ABCA3: variants seen among roughly 807,000 people sequenced by gnomAD.
ABCA3 encodes phospholipid-transporting ATPase ABCA3.
Under a neutral mutation model 172.8 loss-of-function variants are expected in ABCA3, and 88 were observed. The observed-to-expected ratio is 0.51, with a 90% confidence interval of 0.43 to 0.61. ABCA3 has a LOEUF of 0.61. ABCA3 is among the 20% of genes least tolerant of loss of function. The pLI is 0.00. For missense variants in ABCA3, 2,164 were observed against 2,301.0 expected (o/e 0.94, Z 1.22); for synonymous variants, 1,066 against 983.8 (o/e 1.08, Z -1.56).
chr16:2,277,508 G>A lies in ABCA3; in HGVS notation c.4983+89C>T. ...ATGGAAAGTGACTCCTCTGTGGAAA[G>A]AGCCTGCAGTCACCACAGAGGGAGA... On this transcript the variant is annotated intron_variant, in intron 32 of 32. Transcript: ENST00000301732. This position sits in a 1 kb window ranked among gnomAD's most constrained non-coding sequence, Gnocchi z 5.3. 7.4e-7 allele frequency: 1 copy of A among 1,354,824 alleles called. No individual in the cohort carries two copies. Among genetic ancestry groups the A allele is most frequent in the Non-Finnish European group, 1.0e-6 (1 of 959,606 alleles). 83.9% of individuals were successfully genotyped at this position (1,354,824 alleles called of 1,614,324 possible).
intron 7 of ABCA3, among the ~76,000 whole-genome samples, chr16:2,322,028 T>C (rs1445099967): frequency 2.0e-5 from 3 of 151,772 alleles, no homozygotes. Context: ...TGAAACCCCG[T>C]CTCTACTAAA....
chr16:2,317,431 T>C (rs778802109), intron 9 of ABCA3, 28 bp from the exon 10 acceptor site: 2 of 1,612,118 alleles, frequency 1.2e-6, no homozygotes, highest in East Asian at 2.2e-5. Flanking sequence ...GAGTCGGGCG[T>C]GGTGGGCCGG....
rs771378553 is a variant in ABCA3 at position 2,317,771 on chromosome 16, A to T, written c.874-7T>A. 8.7e-6 allele frequency: 14 copies of T among 1,613,720 alleles called. No individual in the cohort carries two copies. The highest frequency in any genetic ancestry group is 1.2e-5 in the Non-Finnish European group (14 of 1,179,672). On this transcript the variant is annotated splice_region_variant and splice_polypyrimidine_tract_variant and intron_variant, in intron 8 of 32. Transcript: ENST00000301732. ...CCATCATGCGCATGTACTCCTGGGGAGAGAAGCCATCACGCTGCTGGGGGC... is the reference window on the plus strand; with the variant it reads ...CCATCATGCGCATGTACTCCTGGGGTGAGAAGCCATCACGCTGCTGGGGGC...
In ABCA3 at chr16:2,276,782, G is replaced by A. The variant is rs1427714089; in HGVS notation, c.5007C>T (p.Ala1669=). ...WAKVFGILEK[A]KEKYGVDDYS... ...AGTCGTCCACGCCGTACTTTTCCTT[G>A]GCTTTCTCCAGAATACCGAAAACCT... The change falls in exon 33 of 33, where the codon GCC becomes GCT. Residue 1669 remains alanine, a synonymous_variant. Transcript: ENST00000301732. 1 of 1,613,826 alleles carries A rather than the reference G, an allele frequency of 6.2e-7. No homozygotes were observed. The highest frequency in any genetic ancestry group is 8.5e-7 in the Non-Finnish European group (1 of 1,180,036).
chr16:2,303,940 C>T lies in ABCA3; in HGVS notation c.1467+29G>A, dbSNP rs201908106. ...GACACCTCTGCACTCAGAGAGGCGG[C>T]GGCTCAAGAGCAGGGCATCAGAACT... On this transcript the variant is annotated intron_variant, in intron 12 of 32. Transcript: ENST00000301732. 68 of 1,612,702 alleles carry T rather than the reference C, an allele frequency of 4.2e-5. No individual in the cohort carries two copies. The African/African-American group carries it at 7.7e-4, about 18-fold the overall frequency.
intron 15 of ABCA3, 99 bp downstream of exon 15, chr16:2,298,287 C>T (rs2093683347): frequency 5.1e-6 from 8 of 1,564,082 alleles, no homozygotes; most frequent in Non-Finnish European, 7.0e-6. Flanking sequence ...CTCCTGCCCT[C>T]CTGGCTCCCT....
At position 2,278,148 on chromosome 16, in the gene ABCA3, C is replaced by G. The variant is rs2093649493; in HGVS notation, c.4719-79G>C. The stretch of plus-strand genomic sequence containing the variant: ...GACAGGAAGGCATTGGCTCTCCGAT[C>G]AGGCTGTTCCTGATACCCATGCTCA... On this transcript the variant is annotated intron_variant, in intron 30 of 32. Coordinates refer to ENST00000301732, the MANE Select transcript of ABCA3 (RefSeq NM_001089.3). The surrounding 1 kb of genome is among the most constrained non-coding windows in gnomAD (Gnocchi z 4.4). 3 of 1,602,614 alleles carry G rather than the reference C, an allele frequency of 1.9e-6. No individual in the cohort carries two copies. Among genetic ancestry groups the G allele is most frequent in the Admixed American group, 3.4e-5 (2 of 59,592 alleles).
At chr16:2,311,816 G>A (rs1261031084) in intron 10 of ABCA3, among the ~76,000 whole-genome samples, 1 of 152,124 alleles carries the variant, frequency 6.6e-6, no homozygotes, top group Non-Finnish European at 1.5e-5. Context: ...CACTGTGCCC[G>A]GCCTAATTTT....
chr16:2,319,443 C>A, intron 8 of ABCA3, 138 bp downstream of exon 8: 1 of 1,212,734 alleles, frequency 8.2e-7, no homozygotes, highest in South Asian at 1.6e-5. Flanking sequence ...CGAGATCGCA[C>A]CACTGCACTC....
chr16:2,293,741 C>T lies in ABCA3; in HGVS notation c.2415-1503G>A, dbSNP rs138252869. The stretch of plus-strand genomic sequence containing the variant: ...TATTTTTAGTAGAGATGGGGTTTCA[C>T]CATGTTAGCCAGGATGGTCTCGATC... On this transcript the variant is annotated intron_variant, in intron 18 of 32. Coordinates refer to ENST00000301732, the MANE Select transcript of ABCA3 (RefSeq NM_001089.3). 5.3e-3 allele frequency among the ~76,000 whole-genome samples: 807 copies of T among 151,632 alleles called. 7 individuals carry two copies. The highest frequency in any genetic ancestry group is 0.015 in the South Asian group (73 of 4,806).
chr16:2,319,570 C>T lies in ABCA3; in HGVS notation c.873+11G>A, dbSNP rs1462975814. The stretch of plus-strand genomic sequence containing the variant: ...TTTCTAGAGTGTTGGGGAGCCAAAG[C>T]GGGCAGTCACCTTCAGCCTCCTTTC... On this transcript the variant is annotated intron_variant, in intron 8 of 32. Coordinates refer to ENST00000301732, the MANE Select transcript of ABCA3 (RefSeq NM_001089.3). 20 of 1,609,308 alleles carry T rather than the reference C, an allele frequency of 1.2e-5. No homozygotes were observed. The highest frequency in any genetic ancestry group is 1.7e-4 in the Middle Eastern group (1 of 6,058).
intron 1 of ABCA3, among the ~76,000 whole-genome samples, chr16:2,338,173 G>A (rs1480198656): frequency 2.0e-5 from 3 of 152,120 alleles, no homozygotes; most frequent in East Asian, 1.9e-4. Context: ...CTCGTTACAC[G>A]GCTCCCGCAA....
chr16:2,289,184 C>T (rs538199554), intron 20 of ABCA3: 1 of 566,170 alleles, frequency 1.8e-6, no homozygotes, highest in South Asian at 2.1e-5. Flanking sequence ...CAGAGCTGGG[C>T]ACCCGACAAG....
chr16:2,327,177 C>T (rs1354908230), intron 3 of ABCA3, among the ~76,000 whole-genome samples: 2 of 151,694 alleles, frequency 1.3e-5, no homozygotes, highest in African/African-American at 2.4e-5. Flanking sequence ...TGCCATGGTG[C>T]GATCACAGCT....
In ABCA3 at chr16:2,324,506, G is replaced by C. The variant is rs148377880; in HGVS notation, c.345C>G (p.Asp115Glu). The C allele has an allele frequency of 6.8e-6, 11 of 1,610,794 alleles. No individual in the cohort carries two copies. The African/African-American group carries it at 1.2e-4, about 18-fold the overall frequency. ...TGTCGTACCTAATGTAGTCCTCAAA[G>C]TCCTTCTCGGAGGGAAAGCCGCGCA... ...MRVRGFPSEKDFEDYIRYDNC... is the reference protein window; with the variant it reads ...MRVRGFPSEKEFEDYIRYDNC... Residue 115 changes from aspartate (D) to glutamate (E), a missense_variant, in exon 6 of 33, where the codon GAC becomes GAG. By Grantham distance (45) the Asp-to-Glu change is conservative. Coordinates refer to ENST00000301732, the MANE Select transcript of ABCA3 (RefSeq NM_001089.3).
chr16:2,297,795 T>A lies in ABCA3; in HGVS notation c.2023A>T (p.Ile675Phe), dbSNP rs766293555. ...LSGGMRRKLSIGIALIAGSKV... is the reference protein window; with the variant it reads ...LSGGMRRKLSFGIALIAGSKV... ...GAGCCTGCGATGAGGGCGATGCCGA[T>A]GGAGAGCTTGCGCCTCATGCCCCCG... is the stretch of plus-strand genomic sequence containing the variant. Residue 675 changes from isoleucine to phenylalanine, a missense_variant, in exon 16 of 33, where the codon ATC becomes TTC. Coordinates refer to ENST00000301732, the MANE Select transcript of ABCA3 (RefSeq NM_001089.3). The surrounding 1 kb of genome is among the most constrained non-coding windows in gnomAD (Gnocchi z 5.6). 2 of 1,613,272 alleles carry A rather than the reference T, an allele frequency of 1.2e-6. No individual in the cohort carries two copies. Among genetic ancestry groups the A allele is most frequent in the East Asian group, 4.5e-5 (2 of 44,854 alleles).
chr16:2,340,033 G>C lies in ABCA3; in HGVS notation c.-539+540C>G, dbSNP rs562337683. ...AGCAAACGCCCGCCGCGGACCGTGGGCCTTGGATTCGGATTTGGAGGCTCC... is the reference window on the plus strand; with the variant it reads ...AGCAAACGCCCGCCGCGGACCGTGGCCCTTGGATTCGGATTTGGAGGCTCC... On this transcript the variant is annotated intron_variant, in intron 1 of 32. Coordinates refer to ENST00000301732, the MANE Select transcript of ABCA3 (RefSeq NM_001089.3). Among the ~76,000 whole-genome samples the C allele has an allele frequency of 1.5e-3, 232 of 152,368 alleles. 1 individual carries two copies. Among genetic ancestry groups the C allele is most frequent in the Non-Finnish European group, 4.0e-4 (27 of 68,034 alleles).
intron 7 of ABCA3, 200 bp downstream of exon 7, chr16:2,323,323 A>G (rs2093728929): frequency 5.9e-6 from 4 of 680,526 alleles, no homozygotes; most frequent in Non-Finnish European, 1.0e-5. Flanking sequence ...CCAAAGGATT[A>G]TAAATCATGC....
Position 2,276,815 on chromosome 16 carries a change from G to A in ABCA3, c.4984-10C>T, listed in dbSNP as rs774564517. The A allele has an allele frequency of 6.2e-7, 1 of 1,613,560 alleles. No homozygotes were observed. Among genetic ancestry groups the A allele is most frequent in the Non-Finnish European group, 8.5e-7 (1 of 1,180,000 alleles). On this transcript the variant is annotated splice_polypyrimidine_tract_variant and intron_variant, in intron 32 of 32. Coordinates refer to ENST00000301732, the MANE Select transcript of ABCA3 (RefSeq NM_001089.3). ...CCAGAATACCGAAAACCTTTGGGGAGCAGAAAAGTCACTGGTAGGAGAGAA... is the reference window on the plus strand; with the variant it reads ...CCAGAATACCGAAAACCTTTGGGGAACAGAAAAGTCACTGGTAGGAGAGAA...
Sources: allele counts gnomAD v4.1 joint callset (sites outside exome capture counted in the v4.1 genomes callset), GRCh38; gene constraint gnomAD v4.1.1; non-coding constraint Gnocchi (gnomAD v3.1); transcripts MANE v1.5; gene names NCBI Gene and HGNC (gene_info 2026-07-23, HGNC 2026-07-21).